The following ITGA9 variants were observed in gnomAD, a reference collection of about 807,000 sequenced individuals.
The protein encoded by ITGA9 is integrin alpha-9.
In ITGA9, 56 loss-of-function variants were observed where a neutral mutation model predicts 127.8. That is an observed-to-expected ratio of 0.44 (90% CI 0.35 to 0.55). The LOEUF (loss-of-function observed/expected upper bound fraction) is 0.55, where lower values mean the gene tolerates loss of function less well. Ranked by LOEUF, ITGA9 falls within the 20% of genes least tolerant of loss-of-function variation. The pLI is 0.00. For missense variants in ITGA9, 1,196 were observed against 1,347.1 expected, an observed-to-expected ratio of 0.89 and a Z score of 1.76; for synonymous variants, 508 against 514.5, an observed-to-expected ratio of 0.99 and a Z score of 0.17.
chr3:37,705,303 A>T (rs1453483654), intron 18 of ITGA9, among the ~76,000 whole-genome samples: 1 of 152,218 alleles, frequency 6.6e-6, no homozygotes, highest in Non-Finnish European at 1.5e-5. Context: ...ACATTTCGTC[A>T]CTGCTGACAG....
intron 16 of ITGA9, among the ~76,000 whole-genome samples, chr3:37,634,028 A>G (rs1700253633): frequency 6.6e-6 from 1 of 152,248 alleles, no homozygotes; most frequent in Non-Finnish European, 1.5e-5. Context: ...TAAAATAACC[A>G]GTTATAACTA....
At position 37,529,354 on chromosome 3, in the gene ITGA9, G is replaced by A. The variant is rs185076235; in HGVS notation, c.1373+3283G>A. ...GCAGTGGTGTCAAAGTCAGCAGGAA[G>A]GGCCAAGCAGAGTGAGGCCTGAGAC... On this transcript the variant is annotated intron_variant, in intron 13 of 27. Coordinates refer to ENST00000264741, the MANE Select transcript of ITGA9 (RefSeq NM_002207.3). Among the ~76,000 whole-genome samples the A allele has an allele frequency of 2.8e-3, 419 of 152,230 alleles. 3 individuals carry two copies. Among genetic ancestry groups the A allele is most frequent in the African/African-American group, 9.6e-3 (400 of 41,542 alleles).
intron 13 of ITGA9, among the ~76,000 whole-genome samples, chr3:37,530,328 G>A (rs778526748): frequency 4.6e-5 from 7 of 152,310 alleles, no homozygotes; most frequent in Middle Eastern, 3.4e-3. Context: ...GACTAGAAAA[G>A]CAGGGAGGGC....
intron 23 of ITGA9, among the ~76,000 whole-genome samples, chr3:37,763,286 C>T (rs917485295): frequency 6.6e-6 from 1 of 152,186 alleles, no homozygotes; most frequent in Non-Finnish European, 1.5e-5. Context: ...GACAGTTTCA[C>T]GGAGACCTTT....
chr3:37,605,602 A>C (rs1350189978), intron 15 of ITGA9, among the ~76,000 whole-genome samples: 1 of 152,066 alleles, frequency 6.6e-6, no homozygotes, highest in Non-Finnish European at 1.5e-5. Flanking sequence ...GTATTTTCTC[A>C]TGTGGTTTCT....
chr3:37,690,012 C>T (rs58179080), intron 18 of ITGA9, among the ~76,000 whole-genome samples: 5 of 152,268 alleles, frequency 3.3e-5, no homozygotes, highest in South Asian at 2.1e-4. Context: ...GGTGCTGAAA[C>T]GTTGTTTGAA....
intron 18 of ITGA9, among the ~76,000 whole-genome samples, chr3:37,721,804 A>G (rs1701192883): frequency 6.6e-6 from 1 of 152,178 alleles, no homozygotes; most frequent in African/African-American, 2.4e-5. Context: ...TCTGTGCTCC[A>G]CACCTCTTCA....
intron 17 of ITGA9, among the ~76,000 whole-genome samples, chr3:37,673,730 C>T (rs1700657941): frequency 6.6e-6 from 1 of 152,208 alleles, no homozygotes; most frequent in Non-Finnish European, 1.5e-5. Flanking sequence ...CTGCTTTCCT[C>T]TCTGGACTCT....
At chr3:37,530,653 A>G (rs369745584) in intron 13 of ITGA9, among the ~76,000 whole-genome samples, 3 of 142,864 alleles carry the variant, frequency 2.1e-5, no homozygotes, top group Middle Eastern at 4.3e-3. Flanking sequence ...TGTATTATTT[A>G]CCTTGAAGTG....
chr3:37,519,376 T>C (rs1298146027), intron 11 of ITGA9, 22 bp downstream of exon 11: 4 of 1,554,964 alleles, frequency 2.6e-6, no homozygotes, highest in Non-Finnish European at 3.5e-6. Context: ...GAGAGTGATA[T>C]GGCAACTGTT....
intron 20 of ITGA9, among the ~76,000 whole-genome samples, chr3:37,738,620 C>T (rs1016482176): frequency 1.1e-4 from 16 of 152,164 alleles, no homozygotes; most frequent in East Asian, 1.9e-4. Context: ...TGATAAGGGG[C>T]GGCAGATGCC....
chr3:37,549,943 A>G (rs1241535761), intron 15 of ITGA9, among the ~76,000 whole-genome samples: 2 of 152,244 alleles, frequency 1.3e-5, no homozygotes, highest in African/African-American at 4.8e-5. Flanking sequence ...TTTGAAAATG[A>G]TTTTAAAAGA....
At chr3:37,619,052 C>G (rs1374292565) in intron 15 of ITGA9, among the ~76,000 whole-genome samples, 1 of 152,350 alleles carries the variant, frequency 6.6e-6, no homozygotes, top group East Asian at 1.9e-4. Context: ...TTCTGTGTCA[C>G]TCATGCTGGG....
At chr3:37,706,621 C>T (rs1014194198) in intron 18 of ITGA9, among the ~76,000 whole-genome samples, 2 of 152,170 alleles carry the variant, frequency 1.3e-5, no homozygotes, top group Non-Finnish European at 1.5e-5. Context: ...TTAAGGGCCA[C>T]CTCCAAGGAA....
intron 15 of ITGA9, among the ~76,000 whole-genome samples, chr3:37,594,466 G>GT (rs1274243595): frequency 6.6e-6 from 1 of 151,552 alleles, no homozygotes; most frequent in Non-Finnish European, 1.5e-5. Flanking sequence ...AGCAGATAGA[G>GT]TTTTTTAGGC....
chr3:37,533,318 A>G lies in ITGA9; in HGVS notation c.1378A>G (p.Arg460Gly). Reference sequence around the variant, plus strand: ...CCTTCCTCTCTTGCCCTGCAGAGCAAGGCCTGTCATTACGGTGGATGTCTC... The same window carrying G: ...CCTTCCTCTCTTGCCCTGCAGAGCAGGGCCTGTCATTACGGTGGATGTCTC... The part of the protein sequence containing the change: ...MSDSVVLLRA[R>G]PVITVDVSIF... The change falls in exon 14 of 28, where the codon AGG (arginine) becomes GGG (glycine). Residue 460 changes from arginine (R) to glycine (G), a missense_variant. Physicochemically the swap from Arg to Gly is moderately radical, Grantham distance 125. Transcript: ENST00000264741. 1 of 1,614,086 alleles carries G rather than the reference A, an allele frequency of 6.2e-7. No homozygotes were observed. Among genetic ancestry groups the G allele is most frequent in the Non-Finnish European group, 8.5e-7 (1 of 1,179,958 alleles).
chr3:37,617,607 A>G (rs1408997027), intron 15 of ITGA9, among the ~76,000 whole-genome samples: 1 of 152,106 alleles, frequency 6.6e-6, no homozygotes, highest in East Asian at 1.9e-4. Context: ...CACCAATCAG[A>G]CGTAGATTTG....
intron 27 of ITGA9, among the ~76,000 whole-genome samples, chr3:37,812,337 C>T (rs1479734320): frequency 6.6e-6 from 1 of 152,224 alleles, no homozygotes; most frequent in East Asian, 1.9e-4. Flanking sequence ...CCCAGGTCCT[C>T]AGAATCACTG....
Position 37,562,107 on chromosome 3 carries a change from G to A in ITGA9, c.1689+19522G>A, listed in dbSNP as rs537812952. On this transcript the variant is annotated intron_variant, in intron 15 of 27. Transcript: ENST00000264741. Reference sequence around the variant, plus strand: ...CAGAGAGCCACGAATGGGGCACTCGGGGCCGTGACAGGCATCCCTTAGCTC... The same window carrying A: ...CAGAGAGCCACGAATGGGGCACTCGAGGCCGTGACAGGCATCCCTTAGCTC... Among the ~76,000 whole-genome samples the A allele has an allele frequency of 1.2e-4, 18 of 152,306 alleles. 1 individual carries two copies. The South Asian group carries it at 3.7e-3, about 32-fold the overall frequency.
Sources: gnomAD v4.1 joint callset for allele counts (sites outside exome capture counted in the v4.1 genomes callset) on GRCh38, gnomAD v4.1.1 for gene constraint, MANE v1.5 for transcripts, NCBI Gene and HGNC (gene_info 2026-07-23, HGNC 2026-07-21) for gene names.